CELF2: variants seen among roughly 807,000 people sequenced by gnomAD.
CELF2 encodes the protein CUG triplet repeat RNA-binding protein 2.
Under a neutral mutation model 62.6 loss-of-function variants are expected in CELF2, and 8 were observed. That is an observed-to-expected ratio of 0.13 (90% CI 0.07 to 0.23). The LOEUF (loss-of-function observed/expected upper bound fraction) is 0.23, where lower values mean the gene tolerates loss of function less well. Among genes scored for constraint, CELF2 ranks in the 10% least tolerant of loss-of-function variants. The pLI is 1.00. For missense variants in CELF2, 333 were observed against 671.0 expected (o/e 0.50, Z 5.56); for synonymous variants, 258 against 250.0 (o/e 1.03, Z -0.30).
At chr10:10,669,268 G>T in the CELF2 span, among the ~76,000 whole-genome samples, 2 of 152,216 alleles carry the variant, frequency 1.3e-5, no homozygotes, top group South Asian at 2.1e-4. Flanking sequence ...AAGATTGGTT[G>T]TATAAATCAA....
the CELF2 span, among the ~76,000 whole-genome samples, chr10:10,474,773 G>A: frequency 2.8e-4 from 43 of 152,156 alleles, no homozygotes; most frequent in African/African-American, 9.4e-4. Flanking sequence ...GGATTGCTGT[G>A]ACTGTTCTAC....
chr10:11,059,416 C>A (rs1217609178), intron 1 of CELF2, among the ~76,000 whole-genome samples: 1 of 151,772 alleles, frequency 6.6e-6, no homozygotes, highest in Non-Finnish European at 1.5e-5. Flanking sequence ...AAATTTAAGA[C>A]CGTTTACCAA....
chr10:10,949,826 CAAAA>C (rs35952853), intron 2 of CELF2, among the ~76,000 whole-genome samples: 2 of 82,264 alleles, frequency 2.4e-5, no homozygotes, highest in Non-Finnish European at 2.5e-5. Context: ...ACACACACAC[CAAAA>C]AAAAAAAAAA....
chr10:11,229,592 A>G (rs2136317451), intron 3 of CELF2, among the ~76,000 whole-genome samples: 1 of 149,594 alleles, frequency 6.7e-6, no homozygotes, highest in Middle Eastern at 3.5e-3. Flanking sequence ...AGAGTCTGGC[A>G]TCAGTATTTT....
At chr10:10,476,928 A>G in the CELF2 span, among the ~76,000 whole-genome samples, 1 of 152,184 alleles carries the variant, frequency 6.6e-6, no homozygotes, top group African/African-American at 2.4e-5. Context: ...TACTGTTTTA[A>G]AAAGTGATCC....
rs796427869 is a variant in CELF2, at chr10:11,061,250, T to C, written c.74+43087T>C. Among the ~76,000 whole-genome samples, 36 of 152,274 alleles carry C rather than the reference T, an allele frequency of 2.4e-4. 1 individual carries two copies. The highest frequency in any genetic ancestry group is 8.7e-4 in the African/African-American group (36 of 41,544). ...GCCTATATGGAGAAAATTGAAGTGG[T>C]CTGGATAGAAAATCAAATGAGCCAC... On this transcript the variant is annotated intron_variant, in intron 1 of 12. Coordinates refer to ENST00000633077, the MANE Select transcript of CELF2 (RefSeq NM_001326342.2).
At chr10:11,229,128 G>C (rs976851705) in intron 3 of CELF2, among the ~76,000 whole-genome samples, 2 of 152,124 alleles carry the variant, frequency 1.3e-5, no homozygotes, top group Admixed American at 1.3e-4. Flanking sequence ...TCAGTGCTGG[G>C]GTGAGTACAG....
the CELF2 span, among the ~76,000 whole-genome samples, chr10:10,662,696 C>G: frequency 6.8e-6 from 1 of 147,228 alleles, no homozygotes; most frequent in Non-Finnish European, 1.5e-5. Context: ...GCTAAATTGA[C>G]AAAAAAAAAA....
chr10:10,518,336 A>C, the CELF2 span, among the ~76,000 whole-genome samples: 22 of 152,314 alleles, frequency 1.4e-4, no homozygotes, highest in South Asian at 1.0e-3. Context: ...AGCTCCACAC[A>C]GTTGTGTGTC....
At chr10:11,118,468 C>A (rs1350901329) in intron 1 of CELF2, among the ~76,000 whole-genome samples, 1 of 151,992 alleles carries the variant, frequency 6.6e-6, no homozygotes, top group East Asian at 1.9e-4. Flanking sequence ...TGTGCCTTGC[C>A]CCCAAAGCTT....
In CELF2 at chr10:11,165,446, G is replaced by C; in HGVS notation, c.75-40G>C. 3.2e-6 allele frequency: 5 copies of C among 1,565,238 alleles called. No individual in the cohort carries two copies. The highest frequency in any genetic ancestry group is 4.7e-5 in the East Asian group (2 of 42,128). ...CTATTTTTTCTTCCTGTCCCTCATC[G>C]TGCCGCCCTAACTCTGGCTCCCGGT... is the stretch of plus-strand genomic sequence containing the variant. On this transcript the variant is annotated intron_variant, in intron 1 of 12. Coordinates refer to ENST00000633077, the MANE Select transcript of CELF2 (RefSeq NM_001326342.2). This position sits in a 1 kb window ranked among gnomAD's most constrained non-coding sequence, Gnocchi z 7.4.
chr10:10,907,240 A>G (rs2063425059), intron 1 of CELF2, among the ~76,000 whole-genome samples: 1 of 152,214 alleles, frequency 6.6e-6, no homozygotes, highest in Non-Finnish European at 1.5e-5. Flanking sequence ...ATACAGCTAT[A>G]TGGGGTGAAA....
rs2096033184 is a variant in CELF2 at position 11,331,997 on chromosome 10, C to CAAAAGAAAACAGA, written c.*2948_*2960dup. The CAAAAGAAAACAGA allele has an allele frequency of 1.3e-5, 2 of 152,104 alleles. No homozygotes were observed. Among genetic ancestry groups the CAAAAGAAAACAGA allele is most frequent in the African/African-American group, 4.8e-5 (2 of 41,466 alleles). The allele number at this position is 152,104 out of a possible 1,614,324, so 9.4% of individuals were successfully genotyped here. A position where few individuals can be genotyped will look rare whatever the true frequency, so the allele number is the denominator to read the frequency against. The stretch of plus-strand genomic sequence containing the variant: ...ACTACTTTGTTCTTTGGTTAAGATC[C>CAAAAGAAAACAGA]AAAAGAAAACAGAAAACAATTCCAC... On this transcript the variant is annotated 3_prime_UTR_variant, in exon 13 of 13. Transcript: ENST00000633077.
the CELF2 span, among the ~76,000 whole-genome samples, chr10:10,702,316 C>T: frequency 1.3e-5 from 2 of 152,176 alleles, no homozygotes; most frequent in African/African-American, 4.8e-5. Flanking sequence ...GTATGCTTCA[C>T]TTCTTTCTTT....
chr10:11,299,278 C>CT (rs2093484452), intron 9 of CELF2, among the ~76,000 whole-genome samples: 1 of 152,248 alleles, frequency 6.6e-6, no homozygotes, highest in African/African-American at 2.4e-5. Context: ...GCACCGGGCC[C>CT]TTGCAGGGGC....
chr10:10,899,705 A>G (rs1226066993), intron 1 of CELF2, among the ~76,000 whole-genome samples: 1 of 152,248 alleles, frequency 6.6e-6, no homozygotes, highest in Non-Finnish European at 1.5e-5. Flanking sequence ...CAGGAAGCAT[A>G]GCTTGGGAGG....
intron 11 of CELF2, among the ~76,000 whole-genome samples, chr10:11,322,865 A>G (rs1332143189): frequency 6.6e-6 from 1 of 152,058 alleles, no homozygotes; most frequent in Non-Finnish European, 1.5e-5. Context: ...GTCTTCCCAA[A>G]GAAAGGCCTG....
chr10:10,860,117 G>A (rs1286000492), intron 1 of CELF2, among the ~76,000 whole-genome samples: 1 of 152,074 alleles, frequency 6.6e-6, no homozygotes, highest in Non-Finnish European at 1.5e-5. Flanking sequence ...AAAAAATAGA[G>A]AAGTGTGATT....
At chr10:11,081,719 C>T (rs1257291159) in intron 1 of CELF2, among the ~76,000 whole-genome samples, 1 of 152,202 alleles carries the variant, frequency 6.6e-6, no homozygotes, top group Non-Finnish European at 1.5e-5. Flanking sequence ...TTTTCTCTGG[C>T]ATACTTGACA....
Sources: gnomAD v4.1 joint callset for allele counts (sites outside exome capture counted in the v4.1 genomes callset) on GRCh38, gnomAD v4.1.1 for gene constraint, Gnocchi (gnomAD v3.1) non-coding constraint, MANE v1.5 for transcripts, NCBI Gene and HGNC (gene_info 2026-07-23, HGNC 2026-07-21) for gene names.